Variants in POLA1 observed in about 807,000 individuals in gnomAD.
POLA1 encodes the protein DNA polymerase alpha 1, catalytic subunit.
In POLA1, 15 loss-of-function variants were observed where a neutral mutation model predicts 124.0. The observed-to-expected ratio is 0.12, with a 90% CI of 0.08 to 0.19. The LOEUF is 0.19. POLA1 is among the 10% of genes least tolerant of loss of function. The pLI is 1.00. For missense variants in POLA1, 886 were observed against 1,103.4 expected, an observed-to-expected ratio of 0.80 and a Z score of 2.79; for synonymous variants, 408 against 389.4, an observed-to-expected ratio of 1.05 and a Z score of -0.56.
At chrX:24,818,520 C>T (rs1040972666) in intron 30 of POLA1, among the ~76,000 whole-genome samples, 3 of 111,141 alleles carry the variant, frequency 2.7e-5, no homozygotes, top group African/African-American at 9.8e-5. Context: ...CATGTGCAGC[C>T]ATGTTTGAGG....
At chrX:24,790,909 A>ATG (rs61497529) in intron 26 of POLA1, among the ~76,000 whole-genome samples, 288 of 72,187 alleles carry the variant, frequency 4.0e-3, no homozygotes, top group Non-Finnish European at 6.3e-3. Context: ...ATTTATGTAT[A>ATG]TGTATATATA....
rs780601815 is a variant in POLA1 at position 24,724,434 on chromosome X, A to T, written c.1300A>T (p.Met434Leu). Residue 434 changes from methionine (M) to leucine (L), a missense_variant, in exon 12 of 37, where the codon ATG becomes TTG. By Grantham distance (15) the Met-to-Leu change is conservative. Transcript: ENST00000379068. ...DEKIATKYKIMKFKSKPVEKN... is the reference protein window; with the variant it reads ...DEKIATKYKILKFKSKPVEKN... ...GAAAATAGCAACAAAATATAAAATTATGAAGTTCAAGTCTAAGGTTTGTAT... is the reference window on the plus strand; with the variant it reads ...GAAAATAGCAACAAAATATAAAATTTTGAAGTTCAAGTCTAAGGTTTGTAT... 1 of 971,336 alleles carries T rather than the reference A, an allele frequency of 1.0e-6. No homozygotes were observed. Among genetic ancestry groups the T allele is most frequent in the Admixed American group, 2.4e-5 (1 of 41,044 alleles). The allele number at this position is 971,336 out of a possible 1,213,427, so 80.0% of individuals were successfully genotyped here.
intron 36 of POLA1, among the ~76,000 whole-genome samples, chrX:24,993,433 T>G (rs2048558292): frequency 8.9e-6 from 1 of 112,343 alleles, no homozygotes; most frequent in Non-Finnish European, 1.9e-5. Flanking sequence ...GCACCTGAGG[T>G]GATGGCGTCG....
intron 26 of POLA1, among the ~76,000 whole-genome samples, chrX:24,776,268 A>T (rs1206414319): frequency 8.9e-6 from 1 of 112,185 alleles, no homozygotes; most frequent in African/African-American, 3.2e-5. Flanking sequence ...CTGATAATGT[A>T]ATGCATGGTG....
chrX:24,891,364 C>T lies in POLA1; in HGVS notation c.4164+3242C>T, dbSNP rs373192368. On this transcript the variant is annotated intron_variant, in intron 35 of 36. Transcript: ENST00000379068. ...TTTCAGAGCAGGCTGGTTGGTGATA[C>T]TTTCCTTAGCCATTCCTGACAGGGA... 7.5e-4 allele frequency among the ~76,000 whole-genome samples: 84 copies of T among 111,539 alleles called. No homozygotes were observed. In the South Asian group the frequency reaches 0.031, roughly 42 times the overall value.
chrX:24,789,189 C>A lies in POLA1; in HGVS notation c.2965-20709C>A, dbSNP rs933510340. 9.9e-6 allele frequency: 6 copies of A among 606,617 alleles called. No homozygotes were observed. The Admixed American group carries it at 1.6e-4, about 16-fold the overall frequency. 50.0% of individuals were successfully genotyped at this position (606,617 alleles called of 1,213,427 possible). Reference sequence around the variant, plus strand: ...TTAGGCAAGAGAAAAAAGTAAAAGGCATGCAAATCAGAAAGGAAGAAGTTA... The same window carrying A: ...TTAGGCAAGAGAAAAAAGTAAAAGGAATGCAAATCAGAAAGGAAGAAGTTA... On this transcript the variant is annotated intron_variant, in intron 26 of 36. Coordinates refer to ENST00000379068, the MANE Select transcript of POLA1 (RefSeq NM_001330360.2).
At chrX:24,727,746 A>C (rs753143438) in intron 14 of POLA1, 36 bp from the exon 15 acceptor site, 56 of 1,119,744 alleles carry the variant, frequency 5.0e-5, no homozygotes, top group Non-Finnish European at 3.6e-6. Flanking sequence ...TTTTTCAGTA[A>C]ATAGCTATTG....
At chrX:24,752,769 A>G (rs183168643) in intron 26 of POLA1, among the ~76,000 whole-genome samples, 5 of 111,911 alleles carry the variant, frequency 4.5e-5, no homozygotes, top group Non-Finnish European at 1.9e-5. Flanking sequence ...GTAATACTCT[A>G]GTGTTTAAAA....
chrX:24,894,877 C>T (rs769594557), intron 35 of POLA1, among the ~76,000 whole-genome samples: 6 of 108,589 alleles, frequency 5.5e-5, no homozygotes, highest in Non-Finnish European at 1.1e-4. Flanking sequence ...GCCTCGACCT[C>T]CTGGGCTTAA....
At chrX:24,783,187 T>C (rs2045298326) in intron 26 of POLA1, among the ~76,000 whole-genome samples, 1 of 111,474 alleles carries the variant, frequency 9.0e-6, no homozygotes, top group Admixed American at 9.6e-5. Flanking sequence ...GTGATAGCCA[T>C]GGTTGTCATA....
At chrX:24,858,898 A>G (rs1029945058) in intron 34 of POLA1, among the ~76,000 whole-genome samples, 3 of 111,665 alleles carry the variant, frequency 2.7e-5, no homozygotes, top group Non-Finnish European at 5.6e-5. Context: ...GTTAATATAC[A>G]TTGTATTTTG....
chrX:24,749,899 C>T (rs142394475), intron 26 of POLA1, among the ~76,000 whole-genome samples: 9 of 111,892 alleles, frequency 8.0e-5, no homozygotes, highest in East Asian at 5.6e-4. Context: ...AGAATAGTTA[C>T]GCTGAATATT....
intron 36 of POLA1, among the ~76,000 whole-genome samples, chrX:24,932,055 C>T (rs2047790561): frequency 9.0e-6 from 1 of 111,646 alleles, no homozygotes; most frequent in Non-Finnish European, 1.9e-5. Flanking sequence ...TGTGCCACCA[C>T]ACCTGGCCAA....
chrX:24,975,636 G>A (rs1030031521), intron 36 of POLA1, among the ~76,000 whole-genome samples: 4 of 111,949 alleles, frequency 3.6e-5, no homozygotes, highest in African/African-American at 1.3e-4. Flanking sequence ...GAATGAGAGT[G>A]GAAAAAGCCA....
intron 36 of POLA1, among the ~76,000 whole-genome samples, chrX:24,954,632 A>G (rs1382298657): frequency 8.9e-6 from 1 of 112,388 alleles, no homozygotes; most frequent in Non-Finnish European, 1.9e-5. Flanking sequence ...GATTTATGGT[A>G]GGTGTTTCTC....
chrX:24,990,038 A>T (rs934447414), intron 36 of POLA1, among the ~76,000 whole-genome samples: 4 of 111,989 alleles, frequency 3.6e-5, no homozygotes, highest in Non-Finnish European at 7.5e-5. Context: ...GGGTAGTTTT[A>T]AAAAATTGCA....
chrX:24,787,683 T>C (rs967183750), intron 26 of POLA1, among the ~76,000 whole-genome samples: 4 of 112,202 alleles, frequency 3.6e-5, no homozygotes, highest in African/African-American at 1.3e-4. Flanking sequence ...AAGATTACTT[T>C]GGCTATTTGG....
chrX:24,938,540 T>C (rs1657690497), intron 36 of POLA1, among the ~76,000 whole-genome samples: 1 of 112,540 alleles, frequency 8.9e-6, no homozygotes. Context: ...GATTTAGTAG[T>C]ATTTTATAAA....
chrX:24,871,733 G>A (rs1363368804), intron 34 of POLA1, among the ~76,000 whole-genome samples: 1 of 111,458 alleles, frequency 9.0e-6, no homozygotes, highest in African/African-American at 3.3e-5. Context: ...ATTTCAAGTT[G>A]TGGTTTTTAG....
Sources: gnomAD v4.1 joint callset for allele counts (sites outside exome capture counted in the v4.1 genomes callset) on GRCh38, gnomAD v4.1.1 for gene constraint, MANE v1.5 for transcripts, NCBI Gene and HGNC (gene_info 2026-07-23, HGNC 2026-07-21) for gene names.